The following GNG4 variants were observed in gnomAD, a reference collection of about 807,000 sequenced individuals.
GNG4 encodes G protein subunit gamma 4.
GNG4 carries 4 observed loss-of-function variants against 5.8 expected under a neutral mutation model. The observed-to-expected ratio is 0.69, with a 90% CI of 0.34 to 1.57. The LOEUF (loss-of-function observed/expected upper bound fraction) is 1.57, where lower values mean the gene tolerates loss of function less well. GNG4 is among the 40% of genes most tolerant of loss of function. GNG4 has a pLI of 0.06. For missense variants in GNG4, 96 were observed against 95.1 expected, an observed-to-expected ratio of 1.01 and a Z score of -0.04; for synonymous variants, 29 against 32.9, an observed-to-expected ratio of 0.88 and a Z score of 0.41.
chr1:235,643,477 C>T (rs979559308), intron 1 of GNG4, among the ~76,000 whole-genome samples: 1 of 152,216 alleles, frequency 6.6e-6, no homozygotes, highest in African/African-American at 2.4e-5. Flanking sequence ...GTTCTGACTC[C>T]TCTGGAGTGC....
At chr1:235,577,280 T>G (rs1289930791) in intron 3 of GNG4, among the ~76,000 whole-genome samples, 3 of 152,160 alleles carry the variant, frequency 2.0e-5, no homozygotes, top group Non-Finnish European at 4.4e-5. Context: ...AAGCCAGCTC[T>G]GTGGGCCTGG....
intron 1 of GNG4, among the ~76,000 whole-genome samples, chr1:235,600,100 C>CTTTTTTTTTTTTTTTTTTTTTTTT (rs533853180): frequency 7.0e-5 from 3 of 43,138 alleles, no homozygotes; most frequent in Non-Finnish European, 1.2e-4. Context: ...CGGAAGAAAG[C>CTTTTTTTTTTTTTTTTTTTTTTTT]TTTTTTTTTT....
chr1:235,646,796 AT>A (rs1388567998), intron 1 of GNG4, among the ~76,000 whole-genome samples: 1 of 152,228 alleles, frequency 6.6e-6, no homozygotes, highest in Non-Finnish European at 1.5e-5. Flanking sequence ...CTCCTTGGCA[AT>A]TAGAGGAATT....
chr1:235,638,271 T>C (rs1419700504), intron 1 of GNG4, among the ~76,000 whole-genome samples: 1 of 152,238 alleles, frequency 6.6e-6, no homozygotes, highest in African/African-American at 2.4e-5. Context: ...GTTTCTATTG[T>C]GGCTACAACA....
At chr1:235,590,341 G>A (rs2102950433) in intron 2 of GNG4, among the ~76,000 whole-genome samples, 1 of 152,208 alleles carries the variant, frequency 6.6e-6, no homozygotes, top group East Asian at 1.9e-4. Context: ...TGTAGTCCCA[G>A]CTACTTGGGA....
In GNG4 at chr1:235,645,344, C is replaced by T. The variant is rs41358448; in HGVS notation, c.-123+4318G>A. Among the ~76,000 whole-genome samples the T allele has an allele frequency of 6.9e-3, 1,047 of 152,318 alleles. 41 individuals carry two copies. Among genetic ancestry groups the T allele is most frequent in the East Asian group, 0.066 (341 of 5,172 alleles). On this transcript the variant is annotated intron_variant, in intron 1 of 3. Transcript: ENST00000391854. ...CTTCCCGCCATCTAAGCTCATTTCT[C>T]CTCTTTGGGCCTTCATACATGGGTA...
chr1:235,591,978 GAA>G (rs1448264694), intron 2 of GNG4, among the ~76,000 whole-genome samples: 2 of 152,230 alleles, frequency 1.3e-5, no homozygotes, highest in Non-Finnish European at 1.5e-5. Flanking sequence ...TTAGCCCTGA[GAA>G]GTAAATAAGT....
chr1:235,588,993 T>G (rs1687896022), intron 2 of GNG4: 1 of 152,388 alleles, frequency 6.6e-6, no homozygotes, highest in African/African-American at 2.4e-5. Flanking sequence ...AATGGCAGAC[T>G]CACTTTCTTG....
At chr1:235,631,088 G>A (rs775516097) in intron 1 of GNG4, among the ~76,000 whole-genome samples, 8 of 152,020 alleles carry the variant, frequency 5.3e-5, no homozygotes, top group Non-Finnish European at 1.2e-4. Flanking sequence ...TAATAGAGAT[G>A]GGGTTTCACC....
intron 1 of GNG4, among the ~76,000 whole-genome samples, chr1:235,621,666 A>C (rs1571917923): frequency 7.3e-6 from 1 of 137,352 alleles, no homozygotes; most frequent in African/African-American, 2.7e-5. Context: ...CTGCAATTCC[A>C]CTGCAGTATT....
intron 1 of GNG4, among the ~76,000 whole-genome samples, chr1:235,604,314 G>A (rs1156747465): frequency 1.3e-5 from 2 of 152,190 alleles, no homozygotes; most frequent in Non-Finnish European, 2.9e-5. Context: ...ACCACACGGG[G>A]GACGAAAAGG....
chr1:235,585,207 TTTTCCTTTCC>T (rs142815662), intron 2 of GNG4, among the ~76,000 whole-genome samples: 5 of 150,872 alleles, frequency 3.3e-5, no homozygotes, highest in East Asian at 1.9e-4. Context: ...TTCTTTTTCC[TTTTCCTTTCC>T]TTTCCTTTCC....
intron 3 of GNG4, among the ~76,000 whole-genome samples, chr1:235,580,691 C>T (rs1167808876): frequency 6.7e-6 from 1 of 148,590 alleles, no homozygotes; most frequent in Non-Finnish European, 1.5e-5. Flanking sequence ...AGGAATCTTG[C>T]TTTCACGTTT....
intron 1 of GNG4, among the ~76,000 whole-genome samples, chr1:235,596,212 ACACACAC>A (rs1688121169): frequency 1.0e-4 from 11 of 105,460 alleles, no homozygotes; most frequent in Admixed American, 5.7e-4. Flanking sequence ...AACAAAATAC[ACACACAC>A]ACACACACAC....
chr1:235,608,689 T>A (rs1571911246), intron 1 of GNG4, among the ~76,000 whole-genome samples: 1 of 53,014 alleles, frequency 1.9e-5, no homozygotes, highest in African/African-American at 4.0e-4. Flanking sequence ...TATTTTTTAT[T>A]TTTTTTTTTT....
chr1:235,580,766 C>G (rs1191142408), intron 3 of GNG4, among the ~76,000 whole-genome samples: 3 of 21,890 alleles, frequency 1.4e-4, no homozygotes, highest in Non-Finnish European at 2.0e-4. Context: ...TTTTTTTTTT[C>G]CTGAGATGGG....
At chr1:235,624,277 A>ATT (rs879375174) in intron 1 of GNG4, among the ~76,000 whole-genome samples, 1 of 139,666 alleles carries the variant, frequency 7.2e-6, no homozygotes, top group Non-Finnish European at 1.6e-5. Flanking sequence ...TAATTTTTGT[A>ATT]TTTTTTTTTT....
intron 1 of GNG4, among the ~76,000 whole-genome samples, chr1:235,620,567 G>C (rs913224019): frequency 6.6e-6 from 1 of 151,990 alleles, no homozygotes; most frequent in African/African-American, 2.4e-5. Flanking sequence ...ACGGAGTCTC[G>C]CTCTATTGCC....
intron 3 of GNG4, among the ~76,000 whole-genome samples, chr1:235,558,424 T>C (rs1325801427): frequency 6.6e-6 from 1 of 152,204 alleles, no homozygotes; most frequent in Admixed American, 6.5e-5. Context: ...TTATTGTTAA[T>C]GTGATCTGAA....
Sources: gnomAD v4.1 joint callset for allele counts (sites outside exome capture counted in the v4.1 genomes callset) on GRCh38, gnomAD v4.1.1 for gene constraint, MANE v1.5 for transcripts, NCBI Gene and HGNC (gene_info 2026-07-23, HGNC 2026-07-21) for gene names.